MAL2: variants seen among roughly 807,000 people sequenced by gnomAD.
MAL2 encodes the protein protein MAL2.
A neutral mutation model predicts 18.1 loss-of-function variants in MAL2; 17 were observed. The ratio of observed to expected loss-of-function variants is 0.94; its 90% confidence interval spans 0.64 to 1.41. The LOEUF (loss-of-function observed/expected upper bound fraction) is 1.41. MAL2 is among the 40% of genes most tolerant of loss of function. The pLI is 0.00. For missense variants in MAL2, 222 were observed against 231.9 expected (o/e 0.96, Z 0.28); for synonymous variants, 102 against 102.3 (o/e 1.00, Z 0.02).
In MAL2 at chr8:119,213,063, C is replaced by T. The variant is rs554589119; in HGVS notation, c.132+4459C>T. Among the ~76,000 whole-genome samples the T allele has an allele frequency of 3.9e-5, 6 of 152,156 alleles. No individual in the cohort carries two copies. In the South Asian group the frequency reaches 1.2e-3, roughly 32 times the overall value. On this transcript the variant is annotated intron_variant, in intron 1 of 3. Coordinates refer to ENST00000614891, the MANE Select transcript of MAL2 (RefSeq NM_052886.3). The stretch of plus-strand genomic sequence containing the variant: ...AGTTTAGATAAGGGATGAAAAGAAC[C>T]TGAAATAGAACCAATGAAAGAAGGA...
At chr8:119,234,369 A>G (rs1308231342) in intron 2 of MAL2, among the ~76,000 whole-genome samples, 3 of 152,184 alleles carry the variant, frequency 2.0e-5, no homozygotes, top group South Asian at 2.1e-4. Flanking sequence ...CAAGGCGGCA[A>G]CAAGGCTGGG....
chr8:119,230,959 T>G (rs1401270731), intron 2 of MAL2, among the ~76,000 whole-genome samples: 1 of 152,200 alleles, frequency 6.6e-6, no homozygotes, highest in African/African-American at 2.4e-5. Context: ...AAAGCACACC[T>G]TTGTAGTTCT....
intron 2 of MAL2, among the ~76,000 whole-genome samples, chr8:119,222,433 G>A (rs1396184565): frequency 6.6e-6 from 1 of 151,550 alleles, no homozygotes; most frequent in Non-Finnish European, 1.5e-5. Context: ...GGGAGGCAGA[G>A]GCAGAAGAAT....
intron 3 of MAL2, among the ~76,000 whole-genome samples, chr8:119,243,017 C>T (rs1003708521): frequency 6.6e-6 from 1 of 152,184 alleles, no homozygotes; most frequent in Non-Finnish European, 1.5e-5. Flanking sequence ...TTATTTGATG[C>T]ATCCTCAGGT....
chr8:119,219,449 A>G (rs1031377566), intron 1 of MAL2, among the ~76,000 whole-genome samples: 4 of 151,990 alleles, frequency 2.6e-5, no homozygotes, highest in Admixed American at 1.3e-4. Context: ...TGGAGCTCCA[A>G]CTGTTCTCAC....
chr8:119,229,345 C>A (rs999192310), intron 2 of MAL2, among the ~76,000 whole-genome samples: 2 of 139,178 alleles, frequency 1.4e-5, no homozygotes, highest in African/African-American at 5.3e-5. Context: ...CAGAGTCTTG[C>A]TCTATTGCCC....
At chr8:119,237,217 A>T (rs950547933) in intron 2 of MAL2, among the ~76,000 whole-genome samples, 10 of 150,328 alleles carry the variant, frequency 6.7e-5, no homozygotes, top group Non-Finnish European at 1.5e-4. Flanking sequence ...CGACACATAC[A>T]CTCTCCCAAG....
At chr8:119,239,477 T>G (rs1228932513) in intron 2 of MAL2, among the ~76,000 whole-genome samples, 1 of 152,068 alleles carries the variant, frequency 6.6e-6, no homozygotes, top group African/African-American at 2.4e-5. Context: ...ACATGTATGT[T>G]TATTGCGGCA....
At chr8:119,209,588 G>A (rs1817239622) in intron 1 of MAL2, among the ~76,000 whole-genome samples, 1 of 152,178 alleles carries the variant, frequency 6.6e-6, no homozygotes, top group Non-Finnish European at 1.5e-5. Flanking sequence ...GGCTGGTATT[G>A]TTTGCTCGGT....
At chr8:119,218,151 G>A (rs1033054074) in intron 1 of MAL2, among the ~76,000 whole-genome samples, 1 of 152,074 alleles carries the variant, frequency 6.6e-6, no homozygotes, top group Non-Finnish European at 1.5e-5. Context: ...CTTCCAAAGC[G>A]AGCCTGGATT....
chr8:119,231,720 C>A (rs1433467832), intron 2 of MAL2, among the ~76,000 whole-genome samples: 2 of 152,128 alleles, frequency 1.3e-5, no homozygotes, highest in Non-Finnish European at 2.9e-5. Flanking sequence ...AAAGAAAATG[C>A]AGTATATATT....
At chr8:119,218,773 C>T (rs965277767) in intron 1 of MAL2, among the ~76,000 whole-genome samples, 1 of 152,160 alleles carries the variant, frequency 6.6e-6, no homozygotes, top group African/African-American at 2.4e-5. Context: ...GTGAATGTAT[C>T]ATCATCCCTA....
chr8:119,208,489 C>T lies in MAL2; in HGVS notation c.17C>T (p.Ala6Val). The T allele has an allele frequency of 7.8e-7, 1 of 1,286,398 alleles. No homozygotes were observed. 79.7% of individuals were successfully genotyped at this position (1,286,398 alleles called of 1,614,324 possible). A position where few individuals can be genotyped will look rare whatever the true frequency, so the allele number is the denominator to read the frequency against. Residue 6 changes from alanine to valine, a missense_variant, in exon 1 of 4, where the codon GCG (alanine) becomes GTG (valine). By Grantham distance (64) the Ala-to-Val change is moderately conservative. Coordinates refer to ENST00000614891, the MANE Select transcript of MAL2 (RefSeq NM_052886.3). This position sits in a 1 kb window ranked among gnomAD's most constrained non-coding sequence, Gnocchi z 4.3. ...AGCGGCAGCATGTCGGCCGGCGGAG[C>T]GTCAGTCCCGCCGCCCCCGAACCCC... MSAGG[A>V]SVPPPPNPAV... is the part of the protein sequence containing the mutation.
intron 2 of MAL2, among the ~76,000 whole-genome samples, chr8:119,238,032 A>C (rs1216412737): frequency 6.6e-6 from 1 of 152,238 alleles, no homozygotes; most frequent in South Asian, 2.1e-4. Context: ...TATATCTAGA[A>C]AACCCCATTG....
At position 119,240,158 on chromosome 8, in the gene MAL2, CTTTTAGGATT is replaced by C; in HGVS notation, c.304-4_309del. 1.2e-6 allele frequency: 2 copies of C among 1,612,418 alleles called. No homozygotes were observed. Among genetic ancestry groups the C allele is most frequent in the Non-Finnish European group, 1.7e-6 (2 of 1,179,176 alleles). On this transcript the variant is annotated splice_acceptor_variant and splice_polypyrimidine_tract_variant and coding_sequence_variant and intron_variant, in exon 3 of 4. Coordinates refer to ENST00000614891, the MANE Select transcript of MAL2 (RefSeq NM_052886.3). LOFTEE classifies it high-confidence loss of function. ...TAATTGCAGATGTCTTTTCTCTCCTCTTTTAGGATTTTGCCTACCATTTTACAGTATTTGT... is the reference window on the plus strand; with the variant it reads ...TAATTGCAGATGTCTTTTCTCTCCTCTTGCCTACCATTTTACAGTATTTGT...
In MAL2 at chr8:119,208,385, AGCG is replaced by A. The variant is rs560187611; in HGVS notation, c.-70_-68del. 1,054 of 701,486 alleles carry A rather than the reference AGCG, an allele frequency of 1.5e-3. No individual in the cohort carries two copies. Among genetic ancestry groups the A allele is most frequent in the East Asian group, 4.6e-3 (37 of 8,118 alleles). 43.5% of individuals were successfully genotyped at this position (701,486 alleles called of 1,614,324 possible). A position where few individuals can be genotyped will look rare whatever the true frequency, so the allele number is the denominator to read the frequency against. ...GGCGCGCCCGGAGCCCGCGGAGCTG[AGCG>A]GCGGCGGCGGCGGCGGCAGGAGCCC... is the stretch of plus-strand genomic sequence containing the variant. On this transcript the variant is annotated 5_prime_UTR_variant, in exon 1 of 4. Transcript: ENST00000614891. This position sits in a 1 kb window ranked among gnomAD's most constrained non-coding sequence, Gnocchi z 4.3.
At position 119,240,176 on chromosome 8, in the gene MAL2, C is replaced by A; in HGVS notation, c.315C>A (p.Tyr105Ter). 1 of 1,612,878 alleles carries A rather than the reference C, an allele frequency of 6.2e-7. No homozygotes were observed. Among genetic ancestry groups the A allele is most frequent in the Non-Finnish European group, 8.5e-7 (1 of 1,179,370 alleles). ...DANWNFLDFAYHFTVFVFYFG... is the reference protein window; with the variant it reads ...DANWNFLDFA ...CTCTCCTCTTTTAGGATTTTGCCTA[C>A]CATTTTACAGTATTTGTCTTCTATT... The change falls in exon 3 of 4, where the codon TAC becomes TAA. Residue 105 changes from tyrosine (Y) to a stop codon, truncating the protein, a stop_gained. Transcript: ENST00000614891. LOFTEE classifies it high-confidence loss of function.
At chr8:119,215,856 A>G (rs961905408) in intron 1 of MAL2, among the ~76,000 whole-genome samples, 19 of 152,204 alleles carry the variant, frequency 1.2e-4, no homozygotes, top group African/African-American at 4.3e-4. Context: ...CTACAGTCGC[A>G]TTGTGAATGA....
intron 2 of MAL2, among the ~76,000 whole-genome samples, chr8:119,232,644 A>G (rs1418537670): frequency 6.6e-6 from 1 of 152,202 alleles, no homozygotes; most frequent in Admixed American, 6.5e-5. Context: ...AGTCTTCTGT[A>G]TCTTTCAGTG....
Sources: gnomAD v4.1 joint callset for allele counts (sites outside exome capture counted in the v4.1 genomes callset) on GRCh38, gnomAD v4.1.1 for gene constraint, Gnocchi (gnomAD v3.1) non-coding constraint, MANE v1.5 for transcripts, NCBI Gene and HGNC (gene_info 2026-07-23, HGNC 2026-07-21) for gene names.